Variants in ITFG1 observed in about 807,000 individuals in gnomAD.
The protein encoded by ITFG1 is T-cell immunomodulatory protein.
In ITFG1, 34 loss-of-function variants were observed where a neutral mutation model predicts 81.8. That is an observed-to-expected ratio of 0.42 (90% CI 0.32 to 0.55). The LOEUF (loss-of-function observed/expected upper bound fraction) is 0.55. Ranked by LOEUF, ITFG1 falls within the 20% of genes least tolerant of loss-of-function variation. The probability of loss-of-function intolerance (pLI) is 0.17; values close to 1 mark genes in which losing one functional copy is unlikely to be tolerated. For synonymous variants in ITFG1, 285 were observed against 270.6 expected (o/e 1.05, Z -0.52); for missense variants, 672 against 755.4 (o/e 0.89, Z 1.29).
At chr16:47,439,288 C>T (rs531610562) in intron 5 of ITFG1, among the ~76,000 whole-genome samples, 5 of 152,238 alleles carry the variant, frequency 3.3e-5, no homozygotes, top group East Asian at 3.9e-4. Flanking sequence ...AGAACTTCCC[C>T]GATCTAGCAA....
intron 8 of ITFG1, among the ~76,000 whole-genome samples, chr16:47,335,751 G>C (rs1967696411): frequency 6.6e-6 from 1 of 152,178 alleles, no homozygotes; most frequent in African/African-American, 2.4e-5. Flanking sequence ...AGAATGTAGA[G>C]AGAATAGAAA....
intron 8 of ITFG1, among the ~76,000 whole-genome samples, chr16:47,351,987 G>C (rs1272642061): frequency 6.6e-6 from 1 of 152,148 alleles, no homozygotes; most frequent in African/African-American, 2.4e-5. Flanking sequence ...AAATGATGCT[G>C]GGAAAACTGG....
At chr16:47,277,275 T>C (rs1966407519) in intron 10 of ITFG1, among the ~76,000 whole-genome samples, 1 of 152,226 alleles carries the variant, frequency 6.6e-6, no homozygotes, top group Non-Finnish European at 1.5e-5. Context: ...ATTTCCCAAA[T>C]TGTAAAAATT....
At chr16:47,364,136 C>A (rs1968145467) in intron 8 of ITFG1, among the ~76,000 whole-genome samples, 1 of 152,018 alleles carries the variant, frequency 6.6e-6, no homozygotes, top group South Asian at 2.1e-4. Flanking sequence ...GTCTTTTTTA[C>A]CAATATTCAA....
At chr16:47,290,914 T>C (rs1966897356) in intron 10 of ITFG1, among the ~76,000 whole-genome samples, 1 of 152,226 alleles carries the variant, frequency 6.6e-6, no homozygotes, top group East Asian at 1.9e-4. Flanking sequence ...TTAATGTGGT[T>C]TCACAGTTTT....
In ITFG1 at chr16:47,434,972, T is replaced by A. The variant is rs538656536; in HGVS notation, c.561-6074A>T. Among the ~76,000 whole-genome samples the A allele has an allele frequency of 3.9e-5, 6 of 152,238 alleles. No homozygotes were observed. In the East Asian group the frequency reaches 1.2e-3, roughly 29 times the overall value. On this transcript the variant is annotated intron_variant, in intron 5 of 17. Transcript: ENST00000320640. ...TTCTCACTTATAAGTCGGAGCTGAA[T>A]GATGAGAACACATGGACACATAGGG...
chr16:47,387,485 G>T (rs2151594552), intron 6 of ITFG1, among the ~76,000 whole-genome samples: 1 of 152,224 alleles, frequency 6.6e-6, no homozygotes, highest in East Asian at 1.9e-4. Context: ...TGGTAAAAAA[G>T]CCAGCCTCCT....
chr16:47,269,312 A>T (rs1445336849), intron 10 of ITFG1, among the ~76,000 whole-genome samples: 1 of 152,112 alleles, frequency 6.6e-6, no homozygotes, highest in Non-Finnish European at 1.5e-5. Context: ...GCTAGGTGGC[A>T]GATATAAATA....
At chr16:47,283,493 C>T (rs1281957926) in intron 10 of ITFG1, among the ~76,000 whole-genome samples, 1 of 152,184 alleles carries the variant, frequency 6.6e-6, no homozygotes, top group Non-Finnish European at 1.5e-5. Context: ...AATCCTGTCT[C>T]TGTCCATTCT....
At chr16:47,423,699 T>A (rs1472338797) in intron 6 of ITFG1, among the ~76,000 whole-genome samples, 1 of 152,178 alleles carries the variant, frequency 6.6e-6, no homozygotes, top group African/African-American at 2.4e-5. Context: ...TGAAGCTTAG[T>A]TTGGCTGGAT....
intron 14 of ITFG1, among the ~76,000 whole-genome samples, chr16:47,175,734 A>G (rs1596784681): frequency 6.6e-6 from 1 of 152,318 alleles, no homozygotes; most frequent in East Asian, 1.9e-4. Context: ...TCCAGCTACC[A>G]TGGCATGTTT....
chr16:47,171,785 C>T (rs1038927757), intron 14 of ITFG1, among the ~76,000 whole-genome samples: 7 of 151,930 alleles, frequency 4.6e-5, no homozygotes, highest in African/African-American at 1.7e-4. Flanking sequence ...TCTTATCTTC[C>T]TTAAGTTAAC....
rs74688370 is a variant in ITFG1 at position 47,315,315 on chromosome 16, TA to T, written c.803-1493del. Among the ~76,000 whole-genome samples the T allele has an allele frequency of 4.8e-3, 665 of 139,890 alleles. 9 individuals are homozygous for T. Among genetic ancestry groups the T allele is most frequent in the East Asian group, 0.044 (216 of 4,916 alleles). The allele number at this position is 139,890 out of a possible 152,430, so 91.8% of individuals were successfully genotyped here. A position where few individuals can be genotyped will look rare whatever the true frequency, so the allele number is the denominator to read the frequency against. ...AAGGAGATAAACATATATCACAGCT[TA>T]AAAAAAAAAAAAGTTTGAGAGCTAG... On this transcript the variant is annotated intron_variant, in intron 8 of 17. Transcript: ENST00000320640.
At chr16:47,204,636 AAG>A (rs139981079) in intron 14 of ITFG1, among the ~76,000 whole-genome samples, 3,069 of 152,338 alleles carry the variant, frequency 0.02, 105 homozygotes, top group African/African-American at 0.07. Flanking sequence ...AAAGTAAAAT[AAG>A]GTTTAATGAA....
chr16:47,369,998 C>T (rs1968230519), intron 7 of ITFG1, among the ~76,000 whole-genome samples: 1 of 151,948 alleles, frequency 6.6e-6, no homozygotes, highest in South Asian at 2.1e-4. Context: ...GCCACCACTC[C>T]CGGCTAACTT....
At chr16:47,307,290 A>G (rs183539065) in intron 10 of ITFG1, among the ~76,000 whole-genome samples, 24 of 152,156 alleles carry the variant, frequency 1.6e-4, no homozygotes, top group African/African-American at 5.5e-4. Context: ...TTAAAACTTT[A>G]ATTAAAAATT....
chr16:47,162,152 G>A (rs886685043), intron 15 of ITFG1, among the ~76,000 whole-genome samples: 1 of 151,656 alleles, frequency 6.6e-6, no homozygotes, highest in Admixed American at 6.6e-5. Context: ...AATTGAGACT[G>A]ACAATAAACA....
At chr16:47,277,657 G>A (rs28512495) in intron 10 of ITFG1, among the ~76,000 whole-genome samples, 2 of 152,142 alleles carry the variant, frequency 1.3e-5, no homozygotes, top group African/African-American at 4.8e-5. Flanking sequence ...ATGCAATATA[G>A]TAAGAACTAT....
intron 7 of ITFG1, among the ~76,000 whole-genome samples, chr16:47,374,508 T>C (rs940468899): frequency 1.3e-5 from 2 of 152,148 alleles, no homozygotes; most frequent in Admixed American, 1.3e-4. Flanking sequence ...ATAATGAGGC[T>C]TCCCCCGACC....
Sources: allele counts gnomAD v4.1 joint callset (sites outside exome capture counted in the v4.1 genomes callset), GRCh38; gene constraint gnomAD v4.1.1; transcripts MANE v1.5; gene names NCBI Gene and HGNC (gene_info 2026-07-23, HGNC 2026-07-21).